REEP3: variants seen among roughly 807,000 people sequenced by gnomAD.
REEP3 encodes the protein receptor expression-enhancing protein 3.
REEP3 carries 20 observed loss-of-function variants against 41.3 expected under a neutral mutation model. That is an observed-to-expected ratio of 0.48 (90% CI 0.34 to 0.70). The LOEUF (loss-of-function observed/expected upper bound fraction) is 0.70. Ranked by LOEUF, REEP3 falls within the 30% of genes least tolerant of loss-of-function variation. REEP3 has a pLI of 0.01. For synonymous variants in REEP3, 104 were observed against 101.8 expected, an observed-to-expected ratio of 1.02 and a Z score of -0.13; for missense variants, 271 against 308.8, an observed-to-expected ratio of 0.88 and a Z score of 0.92.
chr10:63,593,737 A>G (rs763825661), intron 2 of REEP3, among the ~76,000 whole-genome samples: 3 of 152,222 alleles, frequency 2.0e-5, no homozygotes, highest in Non-Finnish European at 4.4e-5. Context: ...GCATGCTTCT[A>G]TGAGAAGGAT....
At chr10:63,527,293 T>TA (rs987575598) in intron 1 of REEP3, among the ~76,000 whole-genome samples, 163 of 148,402 alleles carry the variant, frequency 1.1e-3, no homozygotes, top group Non-Finnish European at 1.7e-3. Flanking sequence ...TCTCCCATCT[T>TA]AAAAAAAAAA....
intron 6 of REEP3, among the ~76,000 whole-genome samples, chr10:63,618,479 C>T (rs1045846754): frequency 1.3e-5 from 2 of 151,756 alleles, no homozygotes; most frequent in African/African-American, 4.8e-5. Context: ...GATCTCCTGA[C>T]CTCATGATCC....
intron 2 of REEP3, among the ~76,000 whole-genome samples, chr10:63,590,853 A>G (rs1423897990): frequency 6.6e-6 from 1 of 152,220 alleles, no homozygotes; most frequent in Non-Finnish European, 1.5e-5. Flanking sequence ...CCGATAATAT[A>G]TTTCTATCAA....
intron 1 of REEP3, 83 bp downstream of exon 1, chr10:63,521,660 AGGCCTG>A: frequency 9.2e-7 from 1 of 1,082,430 alleles, no homozygotes; most frequent in Non-Finnish European, 1.2e-6. Context: ...AGGAAAGGGA[AGGCCTG>A]GGCCTGGGCG....
chr10:63,568,705 G>T (rs894246154), intron 2 of REEP3, among the ~76,000 whole-genome samples: 69 of 138,704 alleles, frequency 5.0e-4, no homozygotes, highest in African/African-American at 1.9e-3. Flanking sequence ...ACCCAAGCTG[G>T]AGTGCAGTGG....
chr10:63,600,933 C>A (rs1956166474), intron 5 of REEP3, among the ~76,000 whole-genome samples: 1 of 151,896 alleles, frequency 6.6e-6, no homozygotes, highest in Admixed American at 6.6e-5. Flanking sequence ...GCAGATGGAT[C>A]ACTTAAGGTC....
intron 1 of REEP3, among the ~76,000 whole-genome samples, chr10:63,544,102 TA>T (rs1236849985): frequency 6.6e-6 from 1 of 152,140 alleles, no homozygotes; most frequent in Non-Finnish European, 1.5e-5. Context: ...ATCTTCCTTG[TA>T]AAAAGGCCCC....
chr10:63,596,746 A>G (rs1956118582), intron 3 of REEP3, among the ~76,000 whole-genome samples: 2 of 152,162 alleles, frequency 1.3e-5, no homozygotes. Flanking sequence ...GGTTGACTGC[A>G]TCTTTGCTGG....
chr10:63,564,444 G>A lies in REEP3; in HGVS notation c.33-1894G>A, dbSNP rs558170970. Among the ~76,000 whole-genome samples, 44 of 151,970 alleles carry A rather than the reference G, an allele frequency of 2.9e-4. No individual in the cohort carries two copies. The East Asian group carries it at 6.4e-3, about 22-fold the overall frequency. On this transcript the variant is annotated intron_variant, in intron 1 of 7. Transcript: ENST00000373758. ...TCGAGACCAGCCTGGGCAACATGGC[G>A]AAATCCCATCTCTACTAAAAATACA...
chr10:63,595,284 A>C (rs1335265314), intron 3 of REEP3, among the ~76,000 whole-genome samples: 1 of 152,212 alleles, frequency 6.6e-6, no homozygotes, highest in East Asian at 1.9e-4. Context: ...GTCAGCACCC[A>C]CGTGGACACC....
intron 2 of REEP3, among the ~76,000 whole-genome samples, chr10:63,594,281 G>C (rs563684072): frequency 6.6e-6 from 1 of 151,662 alleles, no homozygotes; most frequent in African/African-American, 2.4e-5. Flanking sequence ...CCAGCTACTC[G>C]GGCAGCTGAG....
intron 6 of REEP3, among the ~76,000 whole-genome samples, chr10:63,616,356 G>A (rs560573280): frequency 2.8e-4 from 42 of 152,074 alleles, no homozygotes; most frequent in African/African-American, 9.9e-4. Context: ...GCCCATTACC[G>A]TCTGTTTCCC....
chr10:63,579,856 C>T (rs1163514213), intron 2 of REEP3, among the ~76,000 whole-genome samples: 1 of 152,006 alleles, frequency 6.6e-6, no homozygotes, highest in Non-Finnish European at 1.5e-5. Context: ...TAGTTTAAAA[C>T]CATAAAAGCT....
Position 63,619,756 on chromosome 10 carries a change from T to C in REEP3, c.667T>C (p.Ser223Pro), listed in dbSNP as rs1301865524. ...GTTAACACACAAAGGGCTTCGAAGA[T>C]CGCAAAGCATGAAATCTGTGAAAAC... ...EMLTHKGLRR[S>P]QSMKSVKTTK... Residue 223 changes from serine to proline, a missense_variant, in exon 7 of 8, where the codon TCG becomes CCG. Ser to Pro is a moderately conservative substitution (Grantham distance 74). Coordinates refer to ENST00000373758, the MANE Select transcript of REEP3 (RefSeq NM_001001330.3). 6.2e-7 allele frequency: 1 copy of C among 1,610,044 alleles called. No individual in the cohort carries two copies. Among genetic ancestry groups the C allele is most frequent in the Non-Finnish European group, 8.5e-7 (1 of 1,178,176 alleles).
intron 2 of REEP3, among the ~76,000 whole-genome samples, chr10:63,573,362 G>A (rs1217826811): frequency 6.6e-6 from 1 of 152,156 alleles, no homozygotes; most frequent in African/African-American, 2.4e-5. Flanking sequence ...ATTTTTTCAG[G>A]CTCATTCCAT....
chr10:63,611,405 T>C (rs1199834480), intron 6 of REEP3, among the ~76,000 whole-genome samples: 1 of 152,240 alleles, frequency 6.6e-6, no homozygotes, highest in African/African-American at 2.4e-5. Flanking sequence ...TAAAATTACA[T>C]ATTCTAGTTC....
intron 2 of REEP3, among the ~76,000 whole-genome samples, chr10:63,589,366 C>T (rs750506131): frequency 1.3e-5 from 2 of 152,196 alleles, no homozygotes; most frequent in Non-Finnish European, 2.9e-5. Context: ...TACTTCTCTG[C>T]CCGGCTGCTT....
intron 5 of REEP3, among the ~76,000 whole-genome samples, chr10:63,603,450 C>T (rs896831736): frequency 2.6e-5 from 4 of 151,792 alleles, no homozygotes; most frequent in African/African-American, 9.7e-5. Context: ...TTTTCTGGCT[C>T]TCTTGTGATT....
At chr10:63,533,560 T>C (rs1316874295) in intron 1 of REEP3, among the ~76,000 whole-genome samples, 1 of 152,100 alleles carries the variant, frequency 6.6e-6, no homozygotes, top group Non-Finnish European at 1.5e-5. Context: ...ATATAGGGAC[T>C]TTCTGTTTTA....
Sources: gnomAD v4.1 joint callset for allele counts (sites outside exome capture counted in the v4.1 genomes callset) on GRCh38, gnomAD v4.1.1 for gene constraint, MANE v1.5 for transcripts, NCBI Gene and HGNC (gene_info 2026-07-23, HGNC 2026-07-21) for gene names.